CIMIP4: variants seen among roughly 807,000 people sequenced by gnomAD.
The protein encoded by CIMIP4 is protein EAN57.
the CIMIP4 span, chr22:36,991,164 T>G: frequency 4.3e-6 from 7 of 1,610,424 alleles, no homozygotes; most frequent in Non-Finnish European, 5.9e-6. Flanking sequence ...AGAAGACACC[T>G]CTACTGTGTC....
chr22:36,999,896 G>A, the CIMIP4 span: 2 of 1,613,908 alleles, frequency 1.2e-6, no homozygotes, highest in Non-Finnish European at 1.7e-6. Context: ...TGAGAAGACG[G>A]AGGAGATTTC....
chr22:37,004,932 C>T, the CIMIP4 span, among the ~76,000 whole-genome samples: 2 of 152,280 alleles, frequency 1.3e-5, no homozygotes, highest in South Asian at 4.1e-4. Context: ...AAGTGATCCA[C>T]CCGCCTCAGC....
chr22:36,992,739 G>A, the CIMIP4 span, among the ~76,000 whole-genome samples: 5 of 152,022 alleles, frequency 3.3e-5, no homozygotes, highest in South Asian at 1.0e-3. Context: ...TAAAATAGCA[G>A]ATCAAATAAA....
the CIMIP4 span, chr22:37,002,234 G>A: frequency 1.9e-4 from 276 of 1,454,966 alleles, no homozygotes; most frequent in African/African-American, 7.4e-4. Flanking sequence ...ACTGTAGGCC[G>A]CTTTCCAGGG....
chr22:36,991,901 C>G, the CIMIP4 span, among the ~76,000 whole-genome samples: 1 of 152,144 alleles, frequency 6.6e-6, no homozygotes, highest in Non-Finnish European at 1.5e-5. Flanking sequence ...CAAGTGGCAA[C>G]TAATACCTGT....
At chr22:36,996,823 TA>T in the CIMIP4 span, among the ~76,000 whole-genome samples, 1 of 152,166 alleles carries the variant, frequency 6.6e-6, no homozygotes, top group African/African-American at 2.4e-5. Context: ...AATGTAATAT[TA>T]GACCAATGGA....
chr22:36,993,908 G>A, the CIMIP4 span, among the ~76,000 whole-genome samples: 2 of 152,114 alleles, frequency 1.3e-5, no homozygotes, highest in Non-Finnish European at 2.9e-5. Flanking sequence ...ATGTATCATT[G>A]AAGGCATATT....
At chr22:37,001,835 A>G in the CIMIP4 span, 1,100 of 1,570,554 alleles carry the variant, frequency 7.0e-4, 8 homozygotes, top group African/African-American at 0.014. Flanking sequence ...CTGCTATGAC[A>G]CCTGCTCCTC....
At chr22:37,000,317 G>A in the CIMIP4 span, among the ~76,000 whole-genome samples, 6 of 152,274 alleles carry the variant, frequency 3.9e-5, no homozygotes, top group African/African-American at 7.2e-5. Context: ...TGAGGAAAGC[G>A]GGCCTCAGGA....
chr22:37,003,754 A>G, the CIMIP4 span, among the ~76,000 whole-genome samples: 5 of 152,248 alleles, frequency 3.3e-5, no homozygotes, highest in South Asian at 2.1e-4. Context: ...ATCCCTGCAC[A>G]TGGCAGGATG....
chr22:36,996,583 T>G, the CIMIP4 span, among the ~76,000 whole-genome samples: 1 of 152,086 alleles, frequency 6.6e-6, no homozygotes, highest in Non-Finnish European at 1.5e-5. Context: ...TATTAGAAAA[T>G]TCATTATAAA....
At chr22:37,007,160 A>G in the CIMIP4 span, among the ~76,000 whole-genome samples, 1 of 152,232 alleles carries the variant, frequency 6.6e-6, no homozygotes, top group South Asian at 2.1e-4. Flanking sequence ...CAACTCACAG[A>G]AACTGTGAGA....
the CIMIP4 span, among the ~76,000 whole-genome samples, chr22:37,002,870 C>T: frequency 6.6e-6 from 1 of 152,274 alleles, no homozygotes; most frequent in South Asian, 2.1e-4. Flanking sequence ...CTCCCTTCGC[C>T]AGGGCTGAGA....
At chr22:36,996,348 T>C in the CIMIP4 span, among the ~76,000 whole-genome samples, 6 of 152,066 alleles carry the variant, frequency 3.9e-5, no homozygotes, top group African/African-American at 1.2e-4. Context: ...ACGAGATTAA[T>C]ATACAAAAAC....
the CIMIP4 span, among the ~76,000 whole-genome samples, chr22:37,006,894 C>T: frequency 6.6e-6 from 1 of 152,178 alleles, no homozygotes; most frequent in Non-Finnish European, 1.5e-5. Context: ...CACACACTCT[C>T]TGCAGCTCTC....
chr22:36,993,753 G>T, the CIMIP4 span, among the ~76,000 whole-genome samples: 1 of 151,512 alleles, frequency 6.6e-6, no homozygotes. Flanking sequence ...GAAAAGAAAA[G>T]AAAAAGCAGC....
At chr22:37,002,159 G>C in the CIMIP4 span, 2 of 1,515,866 alleles carry the variant, frequency 1.3e-6, no homozygotes, top group African/African-American at 1.4e-5. Context: ...TTGAGCGCTG[G>C]CTCCCAGGGG....
chr22:36,998,471 T>C, the CIMIP4 span, among the ~76,000 whole-genome samples: 1 of 152,092 alleles, frequency 6.6e-6, no homozygotes, highest in African/African-American at 2.4e-5. Flanking sequence ...AGCCTCATTT[T>C]GCAATGAGGC....
chr22:36,999,589 AT>A, the CIMIP4 span, among the ~76,000 whole-genome samples: 1 of 2,324 alleles, frequency 4.3e-4, no homozygotes, highest in Non-Finnish European at 7.6e-4. Flanking sequence ...GGAGGGGGGG[AT>A]GGGAGGGGAG....
Sources: allele counts gnomAD v4.1 joint callset (sites outside exome capture counted in the v4.1 genomes callset), GRCh38; gene constraint gnomAD v4.1.1; transcripts MANE v1.5; gene names NCBI Gene and HGNC (gene_info 2026-07-23, HGNC 2026-07-21).